SPRR2G: variants seen among roughly 807,000 people sequenced by gnomAD.
SPRR2G encodes the protein small proline rich protein 2G.
In SPRR2G, 1 loss-of-function variant was observed where a neutral mutation model predicts 0.7. That is an observed-to-expected ratio of 1.49 (90% CI 0.53 to 7.06). The LOEUF (loss-of-function observed/expected upper bound fraction) is 7.06, where lower values mean the gene tolerates loss of function less well. Ranked by LOEUF, SPRR2G falls within the 30% of genes most tolerant of loss-of-function variation. SPRR2G has a pLI of 0.14. For missense variants in SPRR2G, 96 were observed against 88.5 expected (o/e 1.09, Z -0.34); for synonymous variants, 38 against 33.9 (o/e 1.12, Z -0.42).
the SPRR2G span, among the ~76,000 whole-genome samples, chr1:153,180,041 G>T: frequency 6.6e-6 from 1 of 152,120 alleles, no homozygotes; most frequent in Non-Finnish European, 1.5e-5. Flanking sequence ...TGTTCACTAA[G>T]TTGCAGGAAT....
upstream of SPRR2G, among the ~76,000 whole-genome samples, chr1:153,153,296 T>C (rs567631145): frequency 1.4e-4 from 22 of 152,288 alleles, no homozygotes; most frequent in African/African-American, 5.3e-4. Context: ...TTGAAATAAA[T>C]AAATCTGTGA....
chr1:153,150,146 C>T lies in SPRR2G; in HGVS notation c.-21-15G>A, dbSNP rs372055777. 6 of 1,609,018 alleles carry T rather than the reference C, an allele frequency of 3.7e-6. No individual in the cohort carries two copies. The highest frequency in any genetic ancestry group is 2.2e-5 in the South Asian group (2 of 90,960). ...TCTCAGAGAATCTGAAAGATACATA[C>T]GAAACAGTGCTCATAAGAGAGACAG... On this transcript the variant is annotated splice_polypyrimidine_tract_variant and intron_variant, in intron 1 of 1. Coordinates refer to ENST00000368748, the MANE Select transcript of SPRR2G (RefSeq NM_001014291.4).
chr1:153,171,386 G>A, the SPRR2G span, among the ~76,000 whole-genome samples: 1 of 152,090 alleles, frequency 6.6e-6, no homozygotes, highest in Non-Finnish European at 1.5e-5. Flanking sequence ...TGGACTACAG[G>A]AGCCTTTACA....
chr1:153,187,048 G>A, the SPRR2G span, among the ~76,000 whole-genome samples: 368 of 152,280 alleles, frequency 2.4e-3, 4 homozygotes, highest in Middle Eastern at 0.027. Flanking sequence ...CTGGCATGTA[G>A]GGTTTCTGCA....
the SPRR2G span, among the ~76,000 whole-genome samples, chr1:153,193,323 C>A: frequency 2.0e-5 from 3 of 152,180 alleles, no homozygotes; most frequent in Non-Finnish European, 4.4e-5. Context: ...GCCATATTTC[C>A]CCACACTTAG....
intron 1 of SPRR2G, 35 bp from the exon 2 acceptor site, chr1:153,150,166 A>G: frequency 1.2e-6 from 2 of 1,605,958 alleles, no homozygotes; most frequent in Non-Finnish European, 1.7e-6. Context: ...CTCATAAGAG[A>G]GACAGTCCTG....
chr1:153,168,677 T>C, the SPRR2G span, among the ~76,000 whole-genome samples: 1 of 152,170 alleles, frequency 6.6e-6, no homozygotes, highest in East Asian at 1.9e-4. Flanking sequence ...TGATACATTC[T>C]TAGAACTATT....
At chr1:153,172,619 T>A in the SPRR2G span, among the ~76,000 whole-genome samples, 136 of 152,264 alleles carry the variant, frequency 8.9e-4, no homozygotes, top group Non-Finnish European at 1.6e-3. Context: ...GAGTTTCCGG[T>A]ACAAAAAAAG....
At chr1:153,169,727 T>C in the SPRR2G span, among the ~76,000 whole-genome samples, 1 of 152,018 alleles carries the variant, frequency 6.6e-6, no homozygotes, top group Non-Finnish European at 1.5e-5. Flanking sequence ...ACCCAGGGCA[T>C]GAAGCTCAAT....
the SPRR2G span, among the ~76,000 whole-genome samples, chr1:153,175,380 T>C: frequency 6.6e-6 from 1 of 152,218 alleles, no homozygotes; most frequent in Non-Finnish European, 1.5e-5. Flanking sequence ...AGGTTCTAAT[T>C]GTTTGGCTGT....
the SPRR2G span, among the ~76,000 whole-genome samples, chr1:153,199,286 C>T: frequency 3.9e-5 from 6 of 152,092 alleles, no homozygotes; most frequent in African/African-American, 1.4e-4. Context: ...GGAATACCAG[C>T]CAAGAGAAGC....
chr1:153,184,413 G>A, the SPRR2G span, among the ~76,000 whole-genome samples: 1 of 152,110 alleles, frequency 6.6e-6, no homozygotes. Flanking sequence ...TCCTTGAAGA[G>A]GTCCTTCACG....
the SPRR2G span, among the ~76,000 whole-genome samples, chr1:153,162,301 C>T: frequency 6.6e-6 from 1 of 152,202 alleles, no homozygotes; most frequent in East Asian, 1.9e-4. Flanking sequence ...AGATAATGGC[C>T]CATAGCTCCA....
the SPRR2G span, among the ~76,000 whole-genome samples, chr1:153,180,233 T>A: frequency 6.6e-6 from 1 of 152,168 alleles, no homozygotes; most frequent in Non-Finnish European, 1.5e-5. Flanking sequence ...TCAGAAGCAG[T>A]CCACCTGGGA....
chr1:153,185,770 T>C, the SPRR2G span, among the ~76,000 whole-genome samples: 1 of 152,362 alleles, frequency 6.6e-6, no homozygotes, highest in South Asian at 2.1e-4. Flanking sequence ...TGAATTTGTT[T>C]GCTCTTGCTT....
chr1:153,202,842 C>T, the SPRR2G span, among the ~76,000 whole-genome samples: 7,527 of 152,168 alleles, frequency 0.049, 393 homozygotes, highest in East Asian at 0.18. Flanking sequence ...ACCCACCTTT[C>T]GCACTCCAGC....
At chr1:153,170,772 G>T in the SPRR2G span, among the ~76,000 whole-genome samples, 1 of 152,018 alleles carries the variant, frequency 6.6e-6, no homozygotes, top group African/African-American at 2.4e-5. Flanking sequence ...CCACTCAAAG[G>T]TCCTACCTCC....
chr1:153,155,640 T>C (rs1194956861), upstream of SPRR2G, among the ~76,000 whole-genome samples: 2 of 152,228 alleles, frequency 1.3e-5, no homozygotes, highest in African/African-American at 2.4e-5. Context: ...CTTTAAGTTC[T>C]AGGTCCATTA....
At chr1:153,165,119 C>T in the SPRR2G span, among the ~76,000 whole-genome samples, 54 of 152,202 alleles carry the variant, frequency 3.5e-4, no homozygotes, top group Middle Eastern at 0.01. Flanking sequence ...AGAATATTTG[C>T]ACCCAGGCAG....
Sources: allele counts gnomAD v4.1 joint callset (sites outside exome capture counted in the v4.1 genomes callset), GRCh38; gene constraint gnomAD v4.1.1; transcripts MANE v1.5; gene names NCBI Gene and HGNC (gene_info 2026-07-23, HGNC 2026-07-21).